Variants in SGCZ observed in about 807,000 individuals in gnomAD.
SGCZ encodes sarcoglycan zeta, also known as zeta-sarcoglycan.
In SGCZ, 40 loss-of-function variants were observed where a neutral mutation model predicts 41.3. That is an observed-to-expected ratio of 0.97 (90% confidence interval 0.75 to 1.26). The LOEUF (loss-of-function observed/expected upper bound fraction) is 1.26, where lower values mean the gene tolerates loss of function less well. SGCZ is among the 50% of genes most tolerant of loss of function. The probability of loss-of-function intolerance (pLI) is 0.00; values close to 1 mark genes in which losing one functional copy is unlikely to be tolerated. For synonymous variants in SGCZ, 206 were observed against 137.5 expected, an observed-to-expected ratio of 1.50 and a Z score of -3.49; for missense variants, 552 against 369.8, an observed-to-expected ratio of 1.49 and a Z score of -4.04.
chr8:14,288,411 G>A (rs1218611083), intron 3 of SGCZ, among the ~76,000 whole-genome samples: 1 of 152,000 alleles, frequency 6.6e-6, no homozygotes, highest in Admixed American at 6.6e-5. Context: ...AGGATATCTT[G>A]TATCTTTTAA....
intron 2 of SGCZ, among the ~76,000 whole-genome samples, chr8:14,475,256 T>G (rs1020015964): frequency 3.3e-5 from 5 of 152,186 alleles, no homozygotes; most frequent in African/African-American, 1.2e-4. Context: ...AATATCTAAA[T>G]ATTATCACCT....
chr8:14,612,677 T>C (rs1221455057), intron 1 of SGCZ, among the ~76,000 whole-genome samples: 1 of 151,492 alleles, frequency 6.6e-6, no homozygotes, highest in Non-Finnish European at 1.5e-5. Flanking sequence ...TTTTGTTTTT[T>C]TGTTTTGTTT....
At chr8:14,266,535 GATTAAA>G (rs1799872221) in intron 3 of SGCZ, among the ~76,000 whole-genome samples, 1 of 152,116 alleles carries the variant, frequency 6.6e-6, no homozygotes. Flanking sequence ...ACTAGGAACA[GATTAAA>G]TGGAGAGAGA....
At chr8:14,435,205 T>A (rs527896763) in intron 2 of SGCZ, among the ~76,000 whole-genome samples, 26 of 152,300 alleles carry the variant, frequency 1.7e-4, no homozygotes, top group Admixed American at 1.6e-3. Flanking sequence ...GTAAAACGGT[T>A]AAATTTAATA....
intron 1 of SGCZ, among the ~76,000 whole-genome samples, chr8:14,723,375 T>G (rs1374058905): frequency 6.6e-6 from 1 of 152,200 alleles, no homozygotes. Flanking sequence ...CTGCCCACTC[T>G]TGCTGTGGAC....
chr8:14,929,268 G>C (rs185728418), intron 1 of SGCZ, among the ~76,000 whole-genome samples: 1 of 152,190 alleles, frequency 6.6e-6, no homozygotes, highest in South Asian at 2.1e-4. Context: ...TGGGATTACA[G>C]GCGTGAACCA....
chr8:14,861,200 C>T (rs1803735873), intron 1 of SGCZ, among the ~76,000 whole-genome samples: 1 of 152,050 alleles, frequency 6.6e-6, no homozygotes, highest in Non-Finnish European at 1.5e-5. Flanking sequence ...CATAAATGAC[C>T]AAGAAAGACT....
At chr8:14,475,756 A>G (rs1320425521) in intron 2 of SGCZ, among the ~76,000 whole-genome samples, 1 of 152,006 alleles carries the variant, frequency 6.6e-6, no homozygotes, top group Non-Finnish European at 1.5e-5. Context: ...CATATCAATG[A>G]TATATATATA....
intron 1 of SGCZ, among the ~76,000 whole-genome samples, chr8:14,758,334 T>C (rs1245946844): frequency 2.6e-5 from 4 of 152,214 alleles, no homozygotes; most frequent in African/African-American, 9.6e-5. Context: ...AACTTTACAA[T>C]TGCAGATATT....
chr8:14,774,353 C>T (rs1330350091), intron 1 of SGCZ, among the ~76,000 whole-genome samples: 1 of 152,146 alleles, frequency 6.6e-6, no homozygotes, highest in Non-Finnish European at 1.5e-5. Context: ...ACATACTCAT[C>T]CTATTGATTC....
chr8:14,689,976 G>A (rs531322938), intron 1 of SGCZ, among the ~76,000 whole-genome samples: 8 of 152,128 alleles, frequency 5.3e-5, no homozygotes, highest in Non-Finnish European at 1.0e-4. Context: ...CAAAGAATAA[G>A]GTTAGAAAAA....
intron 4 of SGCZ, among the ~76,000 whole-genome samples, chr8:14,184,854 A>C (rs774682143): frequency 2.6e-5 from 4 of 152,174 alleles, no homozygotes; most frequent in Non-Finnish European, 2.9e-5. Flanking sequence ...CTCTAACTTA[A>C]AACTATACCA....
At chr8:14,557,879 C>T (rs1563409574) in intron 1 of SGCZ, among the ~76,000 whole-genome samples, 1 of 152,178 alleles carries the variant, frequency 6.6e-6, no homozygotes, top group Middle Eastern at 3.4e-3. Context: ...AAACACAAAG[C>T]TGGTTCTTTG....
At chr8:15,020,803 C>G (rs773112794) in intron 1 of SGCZ, among the ~76,000 whole-genome samples, 38 of 152,204 alleles carry the variant, frequency 2.5e-4, no homozygotes, top group Non-Finnish European at 4.3e-4. Context: ...AAACTATCCA[C>G]ACTTGTGTTC....
chr8:14,769,210 G>C lies in SGCZ; in HGVS notation c.40-214284C>G, dbSNP rs575296615. Among the ~76,000 whole-genome samples the C allele has an allele frequency of 2.6e-5, 4 of 152,208 alleles. No individual in the cohort carries two copies. In the East Asian group the frequency reaches 7.7e-4, roughly 29 times the overall value. Reference sequence around the variant, plus strand: ...GACAAATAATGATGGTAATGATAATGACAATGATGTGAATAAAAAATAATG... The same window carrying C: ...GACAAATAATGATGGTAATGATAATCACAATGATGTGAATAAAAAATAATG... On this transcript the variant is annotated intron_variant, in intron 1 of 7. Transcript: ENST00000382080.
At chr8:14,756,297 T>C (rs1212435857) in intron 1 of SGCZ, among the ~76,000 whole-genome samples, 1 of 151,462 alleles carries the variant, frequency 6.6e-6, no homozygotes, top group Non-Finnish European at 1.5e-5. Context: ...GCGATCCTCC[T>C]GCCTCAGCCT....
At chr8:14,965,514 A>G (rs1050956285) in intron 1 of SGCZ, among the ~76,000 whole-genome samples, 2 of 152,172 alleles carry the variant, frequency 1.3e-5, no homozygotes, top group African/African-American at 2.4e-5. Context: ...TTAAACAAGA[A>G]TAAGTGGGAT....
At chr8:14,671,039 G>T (rs1808083961) in intron 1 of SGCZ, among the ~76,000 whole-genome samples, 1 of 152,204 alleles carries the variant, frequency 6.6e-6, no homozygotes, top group East Asian at 1.9e-4. Context: ...TGAAGCTTTG[G>T]TTGGGAAAGG....
Position 14,704,935 on chromosome 8 carries a change from T to G in SGCZ, c.40-150009A>C, listed in dbSNP as rs139664993. Among the ~76,000 whole-genome samples the G allele has an allele frequency of 3.9e-3, 593 of 152,156 alleles. 3 individuals carry two copies. The highest frequency in any genetic ancestry group is 0.012 in the Admixed American group (178 of 15,252). ...ATGCAACTATCAGTCAATGTTTTGT[T>G]CACTGGTAATAGCTAAAACATATAA... On this transcript the variant is annotated intron_variant, in intron 1 of 7. Coordinates refer to ENST00000382080, the MANE Select transcript of SGCZ (RefSeq NM_139167.4).
Sources: gnomAD v4.1 joint callset for allele counts (sites outside exome capture counted in the v4.1 genomes callset) on GRCh38, gnomAD v4.1.1 for gene constraint, MANE v1.5 for transcripts, NCBI Gene and HGNC (gene_info 2026-07-23, HGNC 2026-07-21) for gene names.